MYT1L: variants seen among roughly 807,000 people sequenced by gnomAD.
MYT1L encodes the protein myelin transcription factor 1-like protein.
Under a neutral mutation model 126.7 loss-of-function variants are expected in MYT1L, and 12 were observed. The ratio of observed to expected loss-of-function variants is 0.09; its 90% confidence interval spans 0.06 to 0.15. The LOEUF is 0.15. MYT1L is among the 10% of genes least tolerant of loss of function. The pLI is 1.00. For missense variants in MYT1L, 979 were observed against 1,585.2 expected (o/e 0.62, Z 6.49); for synonymous variants, 541 against 604.2 (o/e 0.90, Z 1.53).
intron 2 of MYT1L, among the ~76,000 whole-genome samples, chr2:2,274,150 G>A (rs1322007080): frequency 1.3e-5 from 2 of 152,086 alleles, no homozygotes; most frequent in African/African-American, 4.8e-5. Context: ...GAATTGTAAT[G>A]TTCCCAACAC....
At chr2:1,850,176 CCCTCCCCCTTCCTT>C (rs2043051757) in intron 19 of MYT1L, among the ~76,000 whole-genome samples, 1 of 130,374 alleles carries the variant, frequency 7.7e-6, no homozygotes, top group Non-Finnish European at 1.7e-5. Context: ...CTTCCCCTCC[CCCTCCCCCTTCCTT>C]CCTTCCTTCC....
chr2:2,069,190 T>C (rs1244870592), intron 3 of MYT1L, among the ~76,000 whole-genome samples: 1 of 152,154 alleles, frequency 6.6e-6, no homozygotes, highest in Non-Finnish European at 1.5e-5. Context: ...GTCATTGACA[T>C]TAGGTATTTC....
intron 3 of MYT1L, among the ~76,000 whole-genome samples, chr2:2,107,035 A>C (rs2078841248): frequency 6.6e-6 from 1 of 152,192 alleles, no homozygotes; most frequent in Non-Finnish European, 1.5e-5. Flanking sequence ...TATAAAGTGG[A>C]GATCAACACA....
At chr2:2,003,974 C>A (rs573144851) in intron 4 of MYT1L, among the ~76,000 whole-genome samples, 7 of 150,174 alleles carry the variant, frequency 4.7e-5, no homozygotes, top group Non-Finnish European at 8.9e-5. Context: ...TTCCTGCAGG[C>A]ATTCTTTCCT....
intron 3 of MYT1L, among the ~76,000 whole-genome samples, chr2:2,113,210 A>T (rs756637562): frequency 6.6e-6 from 1 of 152,242 alleles, no homozygotes; most frequent in Non-Finnish European, 1.5e-5. Context: ...TTGATAGAAC[A>T]GAATTGGAGA....
At chr2:1,818,718 A>G (rs1341853595) in intron 21 of MYT1L, among the ~76,000 whole-genome samples, 7 of 152,066 alleles carry the variant, frequency 4.6e-5, no homozygotes. Flanking sequence ...GTGTTCTTGG[A>G]GCCACGTGAC....
At chr2:1,930,171 G>A (rs1049540285) in intron 9 of MYT1L, among the ~76,000 whole-genome samples, 3 of 152,174 alleles carry the variant, frequency 2.0e-5, no homozygotes, top group South Asian at 2.1e-4. Context: ...GGGATGGAAC[G>A]GAGGGACTGA....
chr2:1,952,865 T>TTTCCCTTCCCTCCTTCC (rs1191934490), intron 8 of MYT1L, among the ~76,000 whole-genome samples: 27 of 51,640 alleles, frequency 5.2e-4, no homozygotes, highest in African/African-American at 2.9e-3. Context: ...TACCTCCTTC[T>TTTCCCTTCCCTCCTTCC]TTCCCTTCCC....
At chr2:2,254,467 G>T (rs917305465) in intron 2 of MYT1L, among the ~76,000 whole-genome samples, 7 of 152,150 alleles carry the variant, frequency 4.6e-5, no homozygotes, top group Admixed American at 4.6e-4. Flanking sequence ...CGCTGGAGCT[G>T]CTGAGAGAAG....
intron 4 of MYT1L, among the ~76,000 whole-genome samples, chr2:2,004,039 ATTCTTTCCTGCATACTTTCCTGCAGGCG>A (rs2149679958): frequency 8.1e-6 from 1 of 123,722 alleles, no homozygotes; most frequent in Admixed American, 8.0e-5. Flanking sequence ...TCCTGCATGC[ATTCTTTCCTGCATACTTTCCTGCAGGCG>A]TTCTTTCCTG....
chr2:1,923,349 C>T (rs1275625331), intron 9 of MYT1L, 86 bp from the exon 10 acceptor site: 1 of 1,112,478 alleles, frequency 9.0e-7, no homozygotes, highest in East Asian at 2.6e-5. Flanking sequence ...GCATGGATAG[C>T]ACGTTAACTG....
intron 3 of MYT1L, among the ~76,000 whole-genome samples, chr2:2,112,665 C>T (rs555377560): frequency 3.9e-5 from 6 of 152,254 alleles, no homozygotes; most frequent in South Asian, 2.1e-4. Flanking sequence ...GCAACACTGA[C>T]GCTGATGACC....
intron 9 of MYT1L, among the ~76,000 whole-genome samples, chr2:1,935,591 T>C (rs895405078): frequency 4.6e-5 from 7 of 152,188 alleles, no homozygotes; most frequent in Non-Finnish European, 2.9e-5. Context: ...AGCTTCAAAA[T>C]AAGACAGCGA....
intron 2 of MYT1L, among the ~76,000 whole-genome samples, chr2:2,274,017 T>G (rs1012081952): frequency 6.6e-6 from 1 of 152,040 alleles, no homozygotes; most frequent in African/African-American, 2.4e-5. Context: ...ATTATCCATA[T>G]GACACATTTT....
At chr2:2,073,185 AACATTGAGTC>A (rs555433581) in intron 3 of MYT1L, among the ~76,000 whole-genome samples, 57 of 152,284 alleles carry the variant, frequency 3.7e-4, no homozygotes, top group African/African-American at 1.3e-3. Flanking sequence ...AGAGGACACA[AACATTGAGTC>A]CATGGCAACA....
chr2:2,103,456 G>A (rs1317682124), intron 3 of MYT1L, among the ~76,000 whole-genome samples: 1 of 152,246 alleles, frequency 6.6e-6, no homozygotes. Flanking sequence ...CAGCCAGTTA[G>A]TGGTGGCATG....
chr2:2,234,005 TC>T (rs2094222667), intron 2 of MYT1L, among the ~76,000 whole-genome samples: 1 of 152,198 alleles, frequency 6.6e-6, no homozygotes, highest in Non-Finnish European at 1.5e-5. Context: ...CTTAGATAAG[TC>T]CATGCTTGTT....
intron 4 of MYT1L, among the ~76,000 whole-genome samples, chr2:2,005,466 GTGTTCTTTCCTGAAT>G (rs1345952115): frequency 5.5e-5 from 8 of 146,274 alleles, no homozygotes; most frequent in Non-Finnish European, 1.2e-4. Context: ...TTTCCTGCAT[GTGTTCTTTCCTGAAT>G]GCGTTCTTTC....
At chr2:2,193,170 G>A (rs1408667411) in intron 2 of MYT1L, among the ~76,000 whole-genome samples, 1 of 151,998 alleles carries the variant, frequency 6.6e-6, no homozygotes, top group Non-Finnish European at 1.5e-5. Flanking sequence ...TAGAGACGGG[G>A]TTTCACCATG....
Sources: gnomAD v4.1 joint callset for allele counts (sites outside exome capture counted in the v4.1 genomes callset) on GRCh38, gnomAD v4.1.1 for gene constraint, MANE v1.5 for transcripts, NCBI Gene and HGNC (gene_info 2026-07-23, HGNC 2026-07-21) for gene names.